Variants in KMT5B observed in about 807,000 individuals in gnomAD.
KMT5B encodes the protein lysine methyltransferase 5B, also known as histone-lysine N-methyltransferase KMT5B.
A neutral mutation model predicts 83.2 loss-of-function variants in KMT5B; 10 were observed. The ratio of observed to expected loss-of-function variants is 0.12; its 90% CI spans 0.07 to 0.20. The LOEUF is 0.20. KMT5B is among the 10% of genes least tolerant of loss of function. The pLI is 1.00. For missense variants in KMT5B, 753 were observed against 1,067.2 expected, an observed-to-expected ratio of 0.71 and a Z score of 4.10; for synonymous variants, 349 against 388.8, an observed-to-expected ratio of 0.90 and a Z score of 1.20.
At chr11:68,175,310 G>C (rs1856246929) in intron 4 of KMT5B, 127 bp from the exon 5 acceptor site, 1 of 656,366 alleles carries the variant, frequency 1.5e-6, no homozygotes, top group African/African-American at 1.8e-5. Context: ...AAAGATCTAA[G>C]AGAAGAGAAC....
intron 1 of KMT5B, among the ~76,000 whole-genome samples, chr11:68,195,972 C>CGTGGTG (rs1858651460): frequency 6.6e-6 from 1 of 152,136 alleles, no homozygotes; most frequent in Non-Finnish European, 1.5e-5. Context: ...GCCTCGCCAA[C>CGTGGTG]ATGGTGAAAC....
At chr11:68,167,456 C>CTTT (rs755731394) in intron 9 of KMT5B, among the ~76,000 whole-genome samples, 2 of 139,150 alleles carry the variant, frequency 1.4e-5, no homozygotes, top group African/African-American at 2.6e-5. Context: ...AAATTTTTTC[C>CTTT]TTTTTTTTTT....
At chr11:68,188,436 C>T (rs1432647976) in intron 2 of KMT5B, among the ~76,000 whole-genome samples, 1 of 149,642 alleles carries the variant, frequency 6.7e-6, no homozygotes, top group Non-Finnish European at 1.5e-5. Context: ...CCTCTAACTC[C>T]TGGGCTCAAG....
At chr11:68,204,407 A>C (rs1859815950) in intron 1 of KMT5B, among the ~76,000 whole-genome samples, 1 of 152,160 alleles carries the variant, frequency 6.6e-6, no homozygotes, top group Admixed American at 6.6e-5. Flanking sequence ...TAAGAGGCAG[A>C]GGGAGATTTG....
chr11:68,171,176 A>T lies in KMT5B; in HGVS notation c.841-25T>A. 6.2e-7 allele frequency: 1 copy of T among 1,608,806 alleles called. No homozygotes were observed. The highest frequency in any genetic ancestry group is 8.5e-7 in the Non-Finnish European group (1 of 1,178,946). On this transcript the variant is annotated intron_variant, in intron 8 of 10. Coordinates refer to ENST00000304363, the MANE Select transcript of KMT5B (RefSeq NM_017635.5). This position sits in a 1 kb window ranked among gnomAD's most constrained non-coding sequence, Gnocchi z 5.1. ...ACTAAAATAAAAGTAACTCAGTAAG[A>T]AACTCACACCTGAAGCAAAAACAAA...
At chr11:68,208,502 C>T (rs1440177008) in intron 1 of KMT5B, among the ~76,000 whole-genome samples, 1 of 151,934 alleles carries the variant, frequency 6.6e-6, no homozygotes, top group Non-Finnish European at 1.5e-5. Context: ...AAGAGTAAAA[C>T]TCTAGAGCAA....
In KMT5B at chr11:68,193,800, C is replaced by CT. The variant is rs35179552; in HGVS notation, c.-76-3649dup. ...AGGCATAGAATTGAACAGCAGTATA[C>CT]TTTTTTTTTTTTTTTTAAGAGACAG... On this transcript the variant is annotated intron_variant, in intron 1 of 10. Transcript: ENST00000304363. Among the ~76,000 whole-genome samples, 616 of 140,078 alleles carry CT rather than the reference C, an allele frequency of 4.4e-3. 3 individuals carry two copies. The highest frequency in any genetic ancestry group is 0.012 in the African/African-American group (441 of 38,298). 91.9% of individuals were successfully genotyped at this position (140,078 alleles called of 152,430 possible). A position where few individuals can be genotyped will look rare whatever the true frequency, so the allele number is the denominator to read the frequency against.
At chr11:68,166,459 C>A in intron 10 of KMT5B, 5 of 1,000,702 alleles carry the variant, frequency 5.0e-6, no homozygotes, top group Non-Finnish European at 6.0e-6. Flanking sequence ...GCTCCTCTAT[C>A]ACAATTCTGA....
chr11:68,173,279 G>T (rs1448566088), intron 6 of KMT5B, among the ~76,000 whole-genome samples: 1 of 152,178 alleles, frequency 6.6e-6, no homozygotes, highest in African/African-American at 2.4e-5. Flanking sequence ...GACCTCAAGT[G>T]ATCTGCCTGC....
chr11:68,166,784 G>C, intron 10 of KMT5B, 198 bp downstream of exon 10: 3 of 1,412,654 alleles, frequency 2.1e-6, no homozygotes, highest in Non-Finnish European at 2.8e-6. Context: ...TAGTCTAGAG[G>C]ACGGTACTGA....
intron 1 of KMT5B, among the ~76,000 whole-genome samples, chr11:68,193,495 T>C (rs1432785203): frequency 6.6e-6 from 1 of 151,848 alleles, no homozygotes; most frequent in Non-Finnish European, 1.5e-5. Context: ...GTGAGCAGTA[T>C]GCTTAGGGGA....
chr11:68,163,481 T>C (rs771147477), intron 10 of KMT5B, among the ~76,000 whole-genome samples: 52 of 152,344 alleles, frequency 3.4e-4, no homozygotes, highest in Admixed American at 2.1e-3. Flanking sequence ...ATGGCTATTA[T>C]GGTCATTTCA....
At chr11:68,200,888 C>A (rs1859353790) in intron 1 of KMT5B, among the ~76,000 whole-genome samples, 1 of 152,168 alleles carries the variant, frequency 6.6e-6, no homozygotes, top group Admixed American at 6.5e-5. Context: ...GGCAGCATCA[C>A]TTCCCCAAGG....
At chr11:68,185,983 C>A in intron 2 of KMT5B, 55 bp from the exon 3 acceptor site, 2 of 1,500,678 alleles carry the variant, frequency 1.3e-6, no homozygotes, top group Non-Finnish European at 1.8e-6. Context: ...CTTAAATCTG[C>A]CTTAAAATCT....
At chr11:68,210,791 C>G (rs1004751829) in intron 1 of KMT5B, among the ~76,000 whole-genome samples, 1 of 152,144 alleles carries the variant, frequency 6.6e-6, no homozygotes, top group Non-Finnish European at 1.5e-5. Flanking sequence ...TGGTCCCTAT[C>G]GTCAAAAGTG....
intron 10 of KMT5B, among the ~76,000 whole-genome samples, chr11:68,162,145 G>A (rs1854923465): frequency 6.6e-6 from 1 of 152,110 alleles, no homozygotes; most frequent in Non-Finnish European, 1.5e-5. Flanking sequence ...TCCCTGTCTC[G>A]AAAGCCACAG....
At chr11:68,184,955 C>T (rs1197318301) in intron 3 of KMT5B, among the ~76,000 whole-genome samples, 1 of 152,144 alleles carries the variant, frequency 6.6e-6, no homozygotes, top group Admixed American at 6.5e-5. Flanking sequence ...ACTTACACAT[C>T]CACTTTCTTA....
At chr11:68,201,018 G>A (rs1162920802) in intron 1 of KMT5B, among the ~76,000 whole-genome samples, 1 of 152,130 alleles carries the variant, frequency 6.6e-6, no homozygotes, top group South Asian at 2.1e-4. Context: ...AGGAGGTGGG[G>A]GGTGAGGGGA....
In KMT5B at chr11:68,175,175, G is replaced by A. The variant is rs1014267511; in HGVS notation, c.386C>T (p.Pro129Leu). 1.9e-6 allele frequency: 3 copies of A among 1,610,424 alleles called. No individual in the cohort carries two copies. In the East Asian group the frequency reaches 6.7e-5, roughly 36 times the overall value. ...FSHNNPVRFR[P>L]IKGRQEELKE... ...TAGTTCTTCCTGCCTTCCTTTAATA[G>A]GCCTAAATCTGAAAGAAATCAAAAG... Residue 129 changes from proline to leucine, a missense_variant, in exon 5 of 11, where the codon CCT becomes CTT. Coordinates refer to ENST00000304363, the MANE Select transcript of KMT5B (RefSeq NM_017635.5).
Sources: gnomAD v4.1 joint callset for allele counts (sites outside exome capture counted in the v4.1 genomes callset) on GRCh38, gnomAD v4.1.1 for gene constraint, Gnocchi (gnomAD v3.1) non-coding constraint, MANE v1.5 for transcripts, NCBI Gene and HGNC (gene_info 2026-07-23, HGNC 2026-07-21) for gene names.